Variants in CEP63 observed in about 807,000 individuals in gnomAD.
CEP63 encodes centrosomal protein 63, also known as centrosomal protein of 63 kDa.
In CEP63, 84 loss-of-function variants were observed where a neutral mutation model predicts 89.1. The observed-to-expected ratio is 0.94, with a 90% CI of 0.79 to 1.13. The LOEUF is 1.13. Among genes scored for constraint, CEP63 ranks in the 50% most tolerant of loss-of-function variants. The pLI is 0.00. For synonymous variants in CEP63, 267 were observed against 272.5 expected (o/e 0.98, Z 0.20); for missense variants, 838 against 813.3 (o/e 1.03, Z -0.37).
chr3:134,603,899 C>T, the CEP63 span: 5 of 1,613,880 alleles, frequency 3.1e-6, no homozygotes, highest in Admixed American at 1.7e-5. Context: ...GCACAGCATA[C>T]AAGGTAATTA....
chr3:134,772,650 T>A, the CEP63 span, among the ~76,000 whole-genome samples: 4 of 152,260 alleles, frequency 2.6e-5, no homozygotes, highest in South Asian at 6.2e-4. Context: ...CCCATTTGTC[T>A]CTGCCAACTG....
the CEP63 span, among the ~76,000 whole-genome samples, chr3:134,687,161 C>G: frequency 1.3e-5 from 2 of 152,206 alleles, no homozygotes; most frequent in Admixed American, 1.3e-4. Flanking sequence ...ACACAGCTCT[C>G]TGTGCTTTCA....
At chr3:134,546,038 G>T (rs577893093) in intron 7 of CEP63, 111 bp from the exon 8 acceptor site, 3 of 1,224,282 alleles carry the variant, frequency 2.5e-6, no homozygotes, top group South Asian at 1.4e-5. Flanking sequence ...CTGGCTTCTC[G>T]TGAAATAGAA....
At chr3:134,619,961 G>A in the CEP63 span, 3 of 152,246 alleles carry the variant, frequency 2.0e-5, no homozygotes, top group East Asian at 1.9e-4. Flanking sequence ...TGTGCCAGGC[G>A]AGCTCATTCT....
the CEP63 span, among the ~76,000 whole-genome samples, chr3:134,760,894 T>C: frequency 9.9e-4 from 150 of 152,276 alleles, 1 homozygote; most frequent in Non-Finnish European, 1.6e-3. Flanking sequence ...GCTTGCTTAG[T>C]ACCTCAGTGC....
the CEP63 span, among the ~76,000 whole-genome samples, chr3:134,706,095 G>A: frequency 1.3e-5 from 2 of 152,170 alleles, no homozygotes; most frequent in Non-Finnish European, 2.9e-5. Flanking sequence ...TTAGTGGGTA[G>A]AGGGGAGAGG....
the CEP63 span, among the ~76,000 whole-genome samples, chr3:134,649,416 G>C: frequency 6.6e-6 from 1 of 152,186 alleles, no homozygotes; most frequent in South Asian, 2.1e-4. Flanking sequence ...GGGAGTAGGG[G>C]ACTCGTGGGC....
the CEP63 span, among the ~76,000 whole-genome samples, chr3:134,715,217 G>A: frequency 6.6e-6 from 1 of 152,170 alleles, no homozygotes; most frequent in Non-Finnish European, 1.5e-5. Flanking sequence ...TCCAGCTGTG[G>A]CCTTCTGTTT....
At chr3:134,685,390 G>C in the CEP63 span, among the ~76,000 whole-genome samples, 1 of 151,942 alleles carries the variant, frequency 6.6e-6, no homozygotes, top group Non-Finnish European at 1.5e-5. Flanking sequence ...CTTCTCTCTG[G>C]GGATGCCCAT....
intron 3 of CEP63, among the ~76,000 whole-genome samples, chr3:134,514,287 C>T (rs1340744166): frequency 6.6e-6 from 1 of 151,878 alleles, no homozygotes; most frequent in African/African-American, 2.4e-5. Context: ...GAATAAAGCA[C>T]AGGCAAAGTG....
At chr3:134,543,961 T>TAA (rs10718830) in intron 6 of CEP63, among the ~76,000 whole-genome samples, 1 of 147,806 alleles carries the variant, frequency 6.8e-6, no homozygotes, top group African/African-American at 2.5e-5. Context: ...GGGATCTGGT[T>TAA]AAAAAAAAAA....
the CEP63 span, among the ~76,000 whole-genome samples, chr3:134,684,524 G>A: frequency 1.3e-5 from 2 of 152,170 alleles, no homozygotes; most frequent in Non-Finnish European, 1.5e-5. Context: ...TCGCAAGGAC[G>A]CTTTCCTGCT....
At chr3:134,542,607 A>G (rs1952281043) in intron 6 of CEP63, among the ~76,000 whole-genome samples, 1 of 152,198 alleles carries the variant, frequency 6.6e-6, no homozygotes, top group South Asian at 2.1e-4. Context: ...GTTGCTTCAT[A>G]TCACATTGTT....
chr3:134,651,715 G>T, the CEP63 span: 1 of 676,058 alleles, frequency 1.5e-6, no homozygotes, highest in Non-Finnish European at 1.8e-6. Flanking sequence ...TAAAGTCTCG[G>T]TTCGTTCTAG....
At chr3:134,567,152 C>A (rs984562132), downstream of CEP63, among the ~76,000 whole-genome samples, 60 of 141,356 alleles carry the variant, frequency 4.2e-4, no homozygotes, top group East Asian at 8.1e-4. Context: ...AGGAAGAAAG[C>A]AAAAAAAAAA....
chr3:134,523,315 A>G lies in CEP63; in HGVS notation c.223-8530A>G, dbSNP rs867911425. On this transcript the variant is annotated intron_variant, in intron 3 of 14. Transcript: ENST00000675561. Reference sequence around the variant, plus strand: ...TGGATACTAGTCTTTTGTCAGATGCATAGTTTGCAAAAGTTTTCTTCCATT... The same window carrying G: ...TGGATACTAGTCTTTTGTCAGATGCGTAGTTTGCAAAAGTTTTCTTCCATT... 3.3e-5 allele frequency among the ~76,000 whole-genome samples: 5 copies of G among 152,174 alleles called. No individual in the cohort carries two copies. In the South Asian group the frequency reaches 8.3e-4, roughly 25 times the overall value.
chr3:134,685,476 C>A, the CEP63 span, among the ~76,000 whole-genome samples: 1 of 152,184 alleles, frequency 6.6e-6, no homozygotes, highest in Non-Finnish European at 1.5e-5. Flanking sequence ...AAACATGTGG[C>A]TGGTAGCTCT....
chr3:134,683,667 T>A, the CEP63 span, among the ~76,000 whole-genome samples: 91 of 152,148 alleles, frequency 6.0e-4, 1 homozygote, highest in Admixed American at 1.4e-3. Flanking sequence ...GTTTGAATGA[T>A]GTAATCAGGA....
At chr3:134,538,537 A>ATATATATATATATATATATATATG (rs1951295164) in intron 6 of CEP63, among the ~76,000 whole-genome samples, 1 of 137,702 alleles carries the variant, frequency 7.3e-6, no homozygotes, top group Non-Finnish European at 1.6e-5. Context: ...GTGTGTGTAT[A>ATATATATATATATATATATATATG]TATATATATA....
Sources: gnomAD v4.1 joint callset for allele counts (sites outside exome capture counted in the v4.1 genomes callset) on GRCh38, gnomAD v4.1.1 for gene constraint, MANE v1.5 for transcripts, NCBI Gene and HGNC (gene_info 2026-07-23, HGNC 2026-07-21) for gene names.